The following USP3 variants were observed in gnomAD, a reference collection of about 807,000 sequenced individuals.
USP3 encodes ubiquitin carboxyl-terminal hydrolase 3.
In USP3, 20 loss-of-function variants were observed where a neutral mutation model predicts 72.3. That is an observed-to-expected ratio of 0.28 (90% CI 0.19 to 0.40). The LOEUF (loss-of-function observed/expected upper bound fraction) is 0.40. USP3 is among the 10% of genes least tolerant of loss of function. The pLI, the probability that USP3 is intolerant of heterozygous loss-of-function variation, is 1.00. For synonymous variants in USP3, 222 were observed against 225.3 expected, an observed-to-expected ratio of 0.99 and a Z score of 0.13; for missense variants, 479 against 633.9, an observed-to-expected ratio of 0.76 and a Z score of 2.62.
chr15:63,564,814 A>G (rs1332934521), intron 8 of USP3, among the ~76,000 whole-genome samples: 1 of 152,144 alleles, frequency 6.6e-6, no homozygotes, highest in Non-Finnish European at 1.5e-5. Flanking sequence ...AGTAATTGAG[A>G]TTGTTCCCCA....
chr15:63,589,118 A>C, intron 14 of USP3, 107 bp downstream of exon 14: 1 of 1,307,966 alleles, frequency 7.6e-7, no homozygotes, highest in Non-Finnish European at 1.1e-6. Flanking sequence ...ATGGATTCAG[A>C]TAAAGTAGGT....
intron 1 of USP3, among the ~76,000 whole-genome samples, chr15:63,525,280 GTGCTCATGCCTGGTC>G (rs2065965967): frequency 6.6e-6 from 1 of 152,122 alleles, no homozygotes; most frequent in East Asian, 1.9e-4. Flanking sequence ...TTTGGATTTG[GTGCTCATGCCTGGTC>G]TCCTCCCCAG....
At chr15:63,571,868 C>G (rs2066783641) in intron 9 of USP3, among the ~76,000 whole-genome samples, 1 of 152,120 alleles carries the variant, frequency 6.6e-6, no homozygotes, top group Non-Finnish European at 1.5e-5. Flanking sequence ...ATTAAAAATT[C>G]AGATTTCCTT....
At chr15:63,536,522 A>G (rs566197951) in intron 2 of USP3, among the ~76,000 whole-genome samples, 13 of 152,120 alleles carry the variant, frequency 8.5e-5, no homozygotes, top group Non-Finnish European at 1.9e-4. Context: ...TGGTACTGAA[A>G]CCAATTTGCA....
chr15:63,522,416 T>C (rs2065932072), intron 1 of USP3, among the ~76,000 whole-genome samples: 1 of 152,228 alleles, frequency 6.6e-6, no homozygotes. Context: ...TTAATGTGCA[T>C]GTGTCATACA....
In USP3 at chr15:63,570,412, G is replaced by A. The variant is rs1218070854; in HGVS notation, c.762-21G>A. The A allele has an allele frequency of 1.2e-6, 2 of 1,613,668 alleles. No individual in the cohort carries two copies. The highest frequency in any genetic ancestry group is 1.7e-6 in the Non-Finnish European group (2 of 1,179,988). ...AAGAGCCCTCCACCCGGCCTTATAA[G>A]TGACTGTTTGTTTGCTTTAGGGGCT... On this transcript the variant is annotated intron_variant, in intron 8 of 14. Coordinates refer to ENST00000380324, the MANE Select transcript of USP3 (RefSeq NM_006537.4). The surrounding 1 kb of genome is among the most constrained non-coding windows in gnomAD (Gnocchi z 4.4).
chr15:63,587,131 A>G (rs540841219), intron 11 of USP3, among the ~76,000 whole-genome samples: 10 of 152,162 alleles, frequency 6.6e-5, no homozygotes, highest in African/African-American at 2.2e-4. Flanking sequence ...AGATACATAC[A>G]TGTTCTATAA....
At chr15:63,541,466 T>A (rs1365638187) in intron 3 of USP3, among the ~76,000 whole-genome samples, 1 of 152,132 alleles carries the variant, frequency 6.6e-6, no homozygotes, top group African/African-American at 2.4e-5. Flanking sequence ...CAGGGAGAGT[T>A]TTGTTTATTT....
intron 11 of USP3, among the ~76,000 whole-genome samples, chr15:63,576,782 G>A (rs977011114): frequency 6.6e-6 from 1 of 152,164 alleles, no homozygotes. Context: ...AGAGCTTATT[G>A]TCGGCTTTAA....
chr15:63,514,675 A>G (rs1402665436), intron 1 of USP3, among the ~76,000 whole-genome samples: 3 of 152,314 alleles, frequency 2.0e-5, no homozygotes, highest in African/African-American at 7.2e-5. Context: ...CTTTGATGTT[A>G]AGAGGTCCCT....
intron 1 of USP3, among the ~76,000 whole-genome samples, chr15:63,513,427 T>TGGA (rs1303267071): frequency 3.3e-5 from 5 of 152,246 alleles, no homozygotes; most frequent in Non-Finnish European, 7.3e-5. Context: ...TCACCCAGTC[T>TGGA]GGAGTGCAGT....
At chr15:63,559,140 A>T (rs1398655572) in intron 6 of USP3, among the ~76,000 whole-genome samples, 1 of 152,220 alleles carries the variant, frequency 6.6e-6, no homozygotes, top group African/African-American at 2.4e-5. Flanking sequence ...AACTCCCAGA[A>T]GCTTAGCGTT....
rs946098269 is a variant in USP3 at position 63,591,183 on chromosome 15, A to T, written c.*357A>T. On this transcript the variant is annotated 3_prime_UTR_variant, in exon 15 of 15. Coordinates refer to ENST00000380324, the MANE Select transcript of USP3 (RefSeq NM_006537.4). ...GTTCCTCTCACATGCTGAAAGCAAG[A>T]TGTGTTCCTTATTGTGAAGAGCGAC... The T allele has an allele frequency of 1.0e-5, 2 of 193,160 alleles. No homozygotes were observed. The highest frequency in any genetic ancestry group is 2.1e-5 in the Non-Finnish European group (2 of 93,606). 12.0% of individuals were successfully genotyped at this position (193,160 alleles called of 1,614,324 possible). A position where few individuals can be genotyped will look rare whatever the true frequency, so the allele number is the denominator to read the frequency against.
At chr15:63,589,144 T>G in intron 14 of USP3, 133 bp downstream of exon 14, 1 of 1,029,996 alleles carries the variant, frequency 9.7e-7, no homozygotes, top group Non-Finnish European at 1.5e-6. Flanking sequence ...TTCCTTCAGT[T>G]TTGGTGCGGA....
intron 1 of USP3, among the ~76,000 whole-genome samples, chr15:63,506,051 C>T (rs962815663): frequency 2.0e-5 from 3 of 152,190 alleles, no homozygotes; most frequent in Admixed American, 2.0e-4. Flanking sequence ...ATAGAAATAA[C>T]TGCGGTTTCC....
intron 1 of USP3, among the ~76,000 whole-genome samples, chr15:63,506,736 G>A (rs561144768): frequency 6.6e-6 from 1 of 152,262 alleles, no homozygotes; most frequent in South Asian, 2.1e-4. Context: ...TAGTATGTGG[G>A]GTGATTTCTG....
intron 1 of USP3, among the ~76,000 whole-genome samples, chr15:63,519,357 CATA>C (rs1278930189): frequency 6.0e-5 from 9 of 150,308 alleles, no homozygotes; most frequent in Non-Finnish European, 1.3e-4. Flanking sequence ...ATTCTAACAT[CATA>C]ATGTCTTGTT....
chr15:63,544,937 G>A lies in USP3; in HGVS notation c.284+7781G>A, dbSNP rs983040031. 6.6e-6 allele frequency among the ~76,000 whole-genome samples: 1 copy of A among 152,114 alleles called. No individual in the cohort carries two copies. The highest frequency in any genetic ancestry group is 1.5e-5 in the Non-Finnish European group (1 of 68,014). Reference sequence around the variant, plus strand: ...TTTCTCAGGGAAAAGGGAAAAAGATGTACCAAAGGAAATAACCAAAGTATA... The same window carrying A: ...TTTCTCAGGGAAAAGGGAAAAAGATATACCAAAGGAAATAACCAAAGTATA... On this transcript the variant is annotated intron_variant, in intron 3 of 14. Coordinates refer to ENST00000380324, the MANE Select transcript of USP3 (RefSeq NM_006537.4). The surrounding 1 kb of genome is among the most constrained non-coding windows in gnomAD (Gnocchi z 4.2).
chr15:63,514,857 G>C (rs1025318437), intron 1 of USP3, among the ~76,000 whole-genome samples: 5 of 152,096 alleles, frequency 3.3e-5, no homozygotes, highest in Non-Finnish European at 7.4e-5. Flanking sequence ...GTTTCACCAT[G>C]GACTTGCTTA....
Sources: gnomAD v4.1 joint callset for allele counts (sites outside exome capture counted in the v4.1 genomes callset) on GRCh38, gnomAD v4.1.1 for gene constraint, Gnocchi (gnomAD v3.1) non-coding constraint, MANE v1.5 for transcripts, NCBI Gene and HGNC (gene_info 2026-07-23, HGNC 2026-07-21) for gene names.